The following CCDC144A variants were observed in gnomAD, a reference collection of about 807,000 sequenced individuals.
CCDC144A encodes coiled-coil domain containing 144A.
Under a neutral mutation model 143.8 loss-of-function variants are expected in CCDC144A, and 41 were observed. That is an observed-to-expected ratio of 0.29 (90% CI 0.22 to 0.37). The LOEUF (loss-of-function observed/expected upper bound fraction) is 0.37. CCDC144A is among the 10% of genes least tolerant of loss of function. The probability of loss-of-function intolerance (pLI) is 1.00; values close to 1 mark genes in which losing one functional copy is unlikely to be tolerated. For missense variants in CCDC144A, 637 were observed against 1,488.8 expected, an observed-to-expected ratio of 0.43 and a Z score of 9.41; for synonymous variants, 242 against 517.9, an observed-to-expected ratio of 0.47 and a Z score of 7.23.
intron 5 of CCDC144A, among the ~76,000 whole-genome samples, chr17:16,711,307 CTT>C (rs1912429660): frequency 6.6e-6 from 1 of 151,786 alleles, no homozygotes; most frequent in African/African-American, 2.4e-5. Flanking sequence ...AGCTTTGTGT[CTT>C]TATCTTCTTA....
At chr17:16,717,860 C>T (rs1317805176) in intron 6 of CCDC144A, among the ~76,000 whole-genome samples, 3 of 151,970 alleles carry the variant, frequency 2.0e-5, no homozygotes, top group South Asian at 2.1e-4. Context: ...TGTGGTTCTG[C>T]GTTACATATG....
chr17:16,684,381 C>T, the CCDC144A span, among the ~76,000 whole-genome samples: 8 of 152,248 alleles, frequency 5.3e-5, no homozygotes, highest in South Asian at 1.0e-3. Context: ...TGAGGCTGGG[C>T]GCGGTGGCTC....
rs1258044171 is a variant in CCDC144A, at chr17:16,690,329, C to T, written c.-72C>T. ...GGCTTGGCATTTCTGGCTTGGCGGT[C>T]CTCCTTTCGCAGATTGGAAACCGCG... On this transcript the variant is annotated 5_prime_UTR_variant, in exon 1 of 17. Coordinates refer to ENST00000399273, the MANE Select transcript of CCDC144A (RefSeq NM_001382000.1). 6 of 1,229,808 alleles carry T rather than the reference C, an allele frequency of 4.9e-6. No individual in the cohort carries two copies. Among genetic ancestry groups the T allele is most frequent in the East Asian group, 5.2e-5 (2 of 38,514 alleles). 76.2% of individuals were successfully genotyped at this position (1,229,808 alleles called of 1,614,324 possible). A position where few individuals can be genotyped will look rare whatever the true frequency, so the allele number is the denominator to read the frequency against.
intron 2 of CCDC144A, among the ~76,000 whole-genome samples, chr17:16,704,625 G>T (rs1205220884): frequency 6.6e-6 from 1 of 151,658 alleles, no homozygotes; most frequent in Non-Finnish European, 1.5e-5. Context: ...AGCCCTTACA[G>T]CTCTTATTTT....
At chr17:16,688,428 A>G (rs875237), upstream of CCDC144A, among the ~76,000 whole-genome samples, 43,295 of 150,208 alleles carry the variant, frequency 0.29, 7,353 homozygotes, top group African/African-American at 0.48. Context: ...GAAACCACTC[A>G]TAGGGGGAAT....
chr17:16,717,295 T>C (rs1912829799), intron 6 of CCDC144A, among the ~76,000 whole-genome samples: 1 of 150,526 alleles, frequency 6.6e-6, no homozygotes, highest in Non-Finnish European at 1.5e-5. Context: ...GTATTTTTAG[T>C]AGAGATGGGT....
At chr17:16,752,157 C>T (rs1253523189) in intron 12 of CCDC144A, among the ~76,000 whole-genome samples, 2 of 152,320 alleles carry the variant, frequency 1.3e-5, no homozygotes, top group East Asian at 1.9e-4. Context: ...AGCATTACCA[C>T]GTGAGCTTCG....
chr17:16,734,165 T>C (rs1306861898), intron 11 of CCDC144A, among the ~76,000 whole-genome samples: 2 of 146,356 alleles, frequency 1.4e-5, no homozygotes, highest in African/African-American at 5.1e-5. Context: ...AAAAGCCTAA[T>C]ATAATGCTTA....
intron 12 of CCDC144A, among the ~76,000 whole-genome samples, chr17:16,742,760 C>T (rs569691742): frequency 2.6e-5 from 4 of 152,136 alleles, no homozygotes; most frequent in Admixed American, 2.6e-4. Flanking sequence ...TGATAGTAGC[C>T]ATTCTGTGGT....
At chr17:16,760,181 A>G (rs1263806843) in intron 12 of CCDC144A, among the ~76,000 whole-genome samples, 2 of 151,938 alleles carry the variant, frequency 1.3e-5, no homozygotes, top group Non-Finnish European at 2.9e-5. Context: ...GAAGTCACAC[A>G]GCAGTTCTGC....
intron 15 of CCDC144A, among the ~76,000 whole-genome samples, chr17:16,771,362 T>C (rs1306191648): frequency 2.0e-5 from 3 of 152,274 alleles, no homozygotes; most frequent in Non-Finnish European, 4.4e-5. Context: ...CTTGTTTTTA[T>C]GTAAATTTTC....
At chr17:16,724,467 G>A (rs936947037) in intron 8 of CCDC144A, among the ~76,000 whole-genome samples, 5 of 144,528 alleles carry the variant, frequency 3.5e-5, no homozygotes, top group South Asian at 2.2e-4. Context: ...CCGAGATCCC[G>A]CCACTGCACT....
chr17:16,723,636 T>C (rs1342479620), intron 8 of CCDC144A, among the ~76,000 whole-genome samples: 1 of 152,112 alleles, frequency 6.6e-6, no homozygotes, highest in Non-Finnish European at 1.5e-5. Context: ...TTCATAGATC[T>C]CTTTTTTCCC....
rs546377720 is a variant in CCDC144A at position 16,709,423 on chromosome 17, C to A, written c.1366C>A (p.Gln456Lys). ...FDLQMTKNMN[Q>K]NSDSGSTNNY... ...TTTGCAAATGACAAAAAATATGAAC[C>A]AAAATAGTGACAGTGGCAGTACAAA... is the stretch of plus-strand genomic sequence containing the variant. The change falls in exon 5 of 17, where the codon CAA becomes AAA. Residue 456 changes from glutamine to lysine, a missense_variant. Physicochemically the swap from Gln to Lys is moderately conservative, Grantham distance 53 (BLOSUM62 1). Transcript: ENST00000399273. 4 of 1,611,270 alleles carry A rather than the reference C, an allele frequency of 2.5e-6. No homozygotes were observed. In the African/African-American group the frequency reaches 4.0e-5, roughly 16 times the overall value.
the CCDC144A span, among the ~76,000 whole-genome samples, chr17:16,682,893 T>TTG: frequency 9.4e-6 from 1 of 106,728 alleles, no homozygotes; most frequent in Non-Finnish European, 1.9e-5. Flanking sequence ...GTTTTTTTTT[T>TTG]TTTTTTTTTT....
At chr17:16,682,168 G>A in the CCDC144A span, among the ~76,000 whole-genome samples, 1 of 151,446 alleles carries the variant, frequency 6.6e-6, no homozygotes, top group African/African-American at 2.4e-5. Context: ...AGGCAAAGCT[G>A]GCAGGTTTTC....
In CCDC144A at chr17:16,773,662, C is replaced by A; in HGVS notation, c.*29C>A. 1 of 1,455,418 alleles carries A rather than the reference C, an allele frequency of 6.9e-7. No homozygotes were observed. Among genetic ancestry groups the A allele is most frequent in the East Asian group, 2.5e-5 (1 of 39,396 alleles). 90.2% of individuals were successfully genotyped at this position (1,455,418 alleles called of 1,614,324 possible). ...ATAAGGCAATTTTATTTGGGCTATTCACATGATATTTTGTTTCCCATTAAA... is the reference window on the plus strand; with the variant it reads ...ATAAGGCAATTTTATTTGGGCTATTAACATGATATTTTGTTTCCCATTAAA... On this transcript the variant is annotated 3_prime_UTR_variant, in exon 17 of 17. Coordinates refer to ENST00000399273, the MANE Select transcript of CCDC144A (RefSeq NM_001382000.1).
At chr17:16,766,114 C>T (rs1168119828) in intron 15 of CCDC144A, 7 of 152,430 alleles carry the variant, frequency 4.6e-5, no homozygotes, top group African/African-American at 1.7e-4. Flanking sequence ...TACATTGGTT[C>T]ACTCTGGAAA....
chr17:16,768,481 A>T (rs1286491721), intron 15 of CCDC144A, among the ~76,000 whole-genome samples: 1 of 152,174 alleles, frequency 6.6e-6, no homozygotes, highest in Non-Finnish European at 1.5e-5. Flanking sequence ...GTGCCAAAGC[A>T]GTTGTTATGG....
Sources: allele counts gnomAD v4.1 joint callset (sites outside exome capture counted in the v4.1 genomes callset), GRCh38; gene constraint gnomAD v4.1.1; transcripts MANE v1.5; gene names NCBI Gene and HGNC (gene_info 2026-07-23, HGNC 2026-07-21).